TENM2: variants seen among roughly 807,000 people sequenced by gnomAD.
TENM2 encodes teneurin transmembrane protein 2.
TENM2 carries 52 observed loss-of-function variants against 245.2 expected under a neutral mutation model. That is an observed-to-expected ratio of 0.21 (90% CI 0.17 to 0.27). The LOEUF (loss-of-function observed/expected upper bound fraction) is 0.27. TENM2 is among the 10% of genes least tolerant of loss of function. The pLI, the probability that TENM2 is intolerant of heterozygous loss-of-function variation, is 1.00. For synonymous variants in TENM2, 1,363 were observed against 1,438.9 expected (o/e 0.95, Z 1.19); for missense variants, 3,046 against 3,666.8 (o/e 0.83, Z 4.37).
At chr5:167,769,298 C>T (rs1763246418) in intron 2 of TENM2, among the ~76,000 whole-genome samples, 1 of 152,140 alleles carries the variant, frequency 6.6e-6, no homozygotes, top group Non-Finnish European at 1.5e-5. Context: ...AGTTTTGTGC[C>T]ATTTAACTGA....
chr5:167,380,894 A>AT (rs1282727588), intron 2 of TENM2, among the ~76,000 whole-genome samples: 1 of 152,164 alleles, frequency 6.6e-6, no homozygotes, highest in East Asian at 1.9e-4. Flanking sequence ...TTGTTCAGTC[A>AT]TTTTTTTAAG....
At chr5:168,089,329 C>A (rs1306230366) in intron 7 of TENM2, among the ~76,000 whole-genome samples, 1 of 152,146 alleles carries the variant, frequency 6.6e-6, no homozygotes, top group Non-Finnish European at 1.5e-5. Context: ...CATTTTTTCT[C>A]CCTTTAGAAT....
At chr5:167,944,397 C>G (rs923642054) in intron 3 of TENM2, among the ~76,000 whole-genome samples, 2 of 151,816 alleles carry the variant, frequency 1.3e-5, no homozygotes, top group African/African-American at 4.8e-5. Context: ...ACCTAACAAT[C>G]TCCATCTGAA....
At chr5:167,073,165 G>C in the TENM2 span, among the ~76,000 whole-genome samples, 1 of 152,118 alleles carries the variant, frequency 6.6e-6, no homozygotes, top group Non-Finnish European at 1.5e-5. Context: ...GAAGATGTAT[G>C]GTATTTATTT....
the TENM2 span, among the ~76,000 whole-genome samples, chr5:167,263,071 T>C: frequency 6.6e-6 from 1 of 152,122 alleles, no homozygotes; most frequent in Non-Finnish European, 1.5e-5. Flanking sequence ...TCCCACCTCT[T>C]AATACCACTA....
At chr5:167,202,086 C>G in the TENM2 span, among the ~76,000 whole-genome samples, 1 of 152,312 alleles carries the variant, frequency 6.6e-6, no homozygotes, top group East Asian at 1.9e-4. Context: ...CTGAAGACAG[C>G]AGTTCAAGAC....
At chr5:167,767,194 T>C (rs1763088358) in intron 2 of TENM2, among the ~76,000 whole-genome samples, 1 of 152,146 alleles carries the variant, frequency 6.6e-6, no homozygotes, top group African/African-American at 2.4e-5. Flanking sequence ...GGCATACACA[T>C]ACCACAAAAT....
chr5:167,181,468 GTGT>G, the TENM2 span, among the ~76,000 whole-genome samples: 107 of 111,580 alleles, frequency 9.6e-4, no homozygotes, highest in African/African-American at 4.3e-3. Flanking sequence ...CCGCTCGTTT[GTGT>G]GTGTGTGTGT....
At chr5:167,900,111 T>TA (rs71853736) in intron 3 of TENM2, among the ~76,000 whole-genome samples, 466 of 43,230 alleles carry the variant, frequency 0.011, 7 homozygotes, top group Non-Finnish European at 0.013. Flanking sequence ...CTCAACCCAC[T>TA]AAAAAAAAAA....
At chr5:167,250,420 G>A in the TENM2 span, among the ~76,000 whole-genome samples, 14 of 152,054 alleles carry the variant, frequency 9.2e-5, no homozygotes, top group Admixed American at 4.6e-4. Flanking sequence ...TGAAATAATT[G>A]TATTTTGAAT....
intron 9 of TENM2, among the ~76,000 whole-genome samples, chr5:168,117,467 A>G (rs1377880609): frequency 6.6e-6 from 1 of 152,224 alleles, no homozygotes; most frequent in African/African-American, 2.4e-5. Context: ...ATGCATATCT[A>G]GGACAAAGGT....
chr5:167,375,520 A>C (rs1195416526), intron 2 of TENM2, 47 bp downstream of exon 4: 8 of 1,506,174 alleles, frequency 5.3e-6, no homozygotes, highest in Non-Finnish European at 7.1e-6. Flanking sequence ...GCACTGCACC[A>C]CGTGGGGCTT....
At chr5:167,746,209 C>A (rs1159556365) in intron 2 of TENM2, among the ~76,000 whole-genome samples, 1 of 152,152 alleles carries the variant, frequency 6.6e-6, no homozygotes, top group African/African-American at 2.4e-5. Flanking sequence ...AAAAAGCAGG[C>A]ATTTCCACGA....
chr5:168,049,577 C>A (rs1788897509), intron 6 of TENM2, among the ~76,000 whole-genome samples: 1 of 152,262 alleles, frequency 6.6e-6, no homozygotes, highest in Non-Finnish European at 1.5e-5. Flanking sequence ...CTGCTCCCCA[C>A]CAGCTTTTGC....
At chr5:167,270,525 TG>T in the TENM2 span, among the ~76,000 whole-genome samples, 6 of 152,264 alleles carry the variant, frequency 3.9e-5, no homozygotes, top group African/African-American at 1.4e-4. Context: ...CTCTTCATCA[TG>T]ATCTCTCTCT....
At chr5:167,454,776 T>C (rs1303762921) in intron 2 of TENM2, among the ~76,000 whole-genome samples, 1 of 152,178 alleles carries the variant, frequency 6.6e-6, no homozygotes, top group Non-Finnish European at 1.5e-5. Context: ...CCCACAAAAG[T>C]CCAGGGACTC....
intron 2 of TENM2, among the ~76,000 whole-genome samples, chr5:167,730,011 T>G (rs969604964): frequency 3.9e-5 from 6 of 152,212 alleles, no homozygotes; most frequent in Non-Finnish European, 8.8e-5. Flanking sequence ...GTCTCCTTGA[T>G]AAGATATTGA....
chr5:167,544,641 T>A (rs1319023818), intron 2 of TENM2, among the ~76,000 whole-genome samples: 1 of 152,228 alleles, frequency 6.6e-6, no homozygotes, highest in African/African-American at 2.4e-5. Context: ...TTAATTCATC[T>A]ACTTATTATT....
intron 2 of TENM2, among the ~76,000 whole-genome samples, chr5:167,644,360 T>G (rs779376817): frequency 1.3e-5 from 2 of 152,152 alleles, no homozygotes; most frequent in Non-Finnish European, 2.9e-5. Context: ...CTTTTCCCAA[T>G]TTCTCTTCTA....
Sources: gnomAD v4.1 joint callset for allele counts (sites outside exome capture counted in the v4.1 genomes callset) on GRCh38, gnomAD v4.1.1 for gene constraint, MANE v1.5 for transcripts, NCBI Gene and HGNC (gene_info 2026-07-23, HGNC 2026-07-21) for gene names.